The following EVI2B variants were observed in gnomAD, a reference collection of about 807,000 sequenced individuals.
EVI2B encodes ecotropic viral integration site 2B.
EVI2B carries 4 observed loss-of-function variants against 6.6 expected under a neutral mutation model. The observed-to-expected ratio is 0.61, with a 90% CI of 0.30 to 1.39. The LOEUF is 1.39. Among genes scored for constraint, EVI2B ranks in the 40% most tolerant of loss-of-function variants. The pLI is 0.08. For missense variants in EVI2B, 484 were observed against 516.6 expected, an observed-to-expected ratio of 0.94 and a Z score of 0.61; for synonymous variants, 181 against 186.8, an observed-to-expected ratio of 0.97 and a Z score of 0.25.
Position 31,304,361 on chromosome 17 carries a change from A to C in EVI2B, c.1249T>G (p.Ser417Ala), listed in dbSNP as rs749861129. ...PVDFMKNQED[S>A]NLEIQCQEFS... Reference sequence around the variant, plus strand: ...TCCTGACACTGGATCTCAAGGTTGGAATCTTCTTGGTTTTTCATAAAATCT... The same window carrying C: ...TCCTGACACTGGATCTCAAGGTTGGCATCTTCTTGGTTTTTCATAAAATCT... Residue 417 changes from serine to alanine, a missense_variant, in exon 2 of 2, where the codon TCC (serine) becomes GCC (alanine). Transcript: ENST00000330927. 1.2e-6 allele frequency: 2 copies of C among 1,614,114 alleles called. No individual in the cohort carries two copies. Among genetic ancestry groups the C allele is most frequent in the Admixed American group, 1.7e-5 (1 of 60,022 alleles).
chr17:31,304,697 T>TG lies in EVI2B; in HGVS notation c.912dup (p.Lys305GlnfsTer16). 1 of 1,614,210 alleles carries TG rather than the reference T, an allele frequency of 6.2e-7. No homozygotes were observed. ...ACTTGATCTTTTATTTTCTCTGTTT[T>TG]GGGGTTGTTGGAGTCTTCAATGTTT... On this transcript the variant is annotated frameshift_variant, in exon 2 of 2. Coordinates refer to ENST00000330927, the MANE Select transcript of EVI2B (RefSeq NM_006495.4). LOFTEE classifies it low-confidence loss of function (END_TRUNC).
rs1181763291 is a variant in EVI2B, at chr17:31,305,335, G to C, written c.275C>G (p.Pro92Arg). The C allele has an allele frequency of 6.2e-7, 1 of 1,614,010 alleles. No individual in the cohort carries two copies. Among genetic ancestry groups the C allele is most frequent in the South Asian group, 1.1e-5 (1 of 91,084 alleles). Residue 92 changes from proline (P) to arginine (R), a missense_variant, in exon 2 of 2, where the codon CCA (proline) becomes CGA (arginine). By Grantham distance (103) the Pro-to-Arg change is moderately radical. Transcript: ENST00000330927. ...TPAVYTSSEK[P>R]EAHTSAGQPL... Reference sequence around the variant, plus strand: ...TTGTCCAGCAGAAGTATGTGCTTCTGGTTTTTCAGAAGAGGTATAGACAGC... The same window carrying C: ...TTGTCCAGCAGAAGTATGTGCTTCTCGTTTTTCAGAAGAGGTATAGACAGC...
chr17:31,309,156 G>A (rs1281767739), intron 1 of EVI2B, among the ~76,000 whole-genome samples: 5 of 152,076 alleles, frequency 3.3e-5, no homozygotes, highest in African/African-American at 1.2e-4. Flanking sequence ...TTGTACCCAG[G>A]GCCACCTGAT....
chr17:31,309,497 T>C (rs2068812582), intron 1 of EVI2B, among the ~76,000 whole-genome samples: 1 of 152,210 alleles, frequency 6.6e-6, no homozygotes, highest in Non-Finnish European at 1.5e-5. Flanking sequence ...ATTATTCTTA[T>C]AGATTACAAA....
In EVI2B at chr17:31,304,915, A is replaced by G; in HGVS notation, c.695T>C (p.Val232Ala). The G allele has an allele frequency of 6.2e-7, 1 of 1,614,140 alleles. No homozygotes were observed. Among genetic ancestry groups the G allele is most frequent in the Non-Finnish European group, 8.5e-7 (1 of 1,180,030 alleles). ...IVLWKCLRKPVLNDQNWAGRS... is the reference protein window; with the variant it reads ...IVLWKCLRKPALNDQNWAGRS... ...ACCTGCCCAATTTTGATCATTTAAAACTGGTTTCCTTAAGCATTTCCAAAG... is the reference window on the plus strand; with the variant it reads ...ACCTGCCCAATTTTGATCATTTAAAGCTGGTTTCCTTAAGCATTTCCAAAG... Residue 232 changes from valine (V) to alanine (A), a missense_variant, in exon 2 of 2, where the codon GTT becomes GCT. Val to Ala is a moderately conservative substitution (Grantham distance 64). Coordinates refer to ENST00000330927, the MANE Select transcript of EVI2B (RefSeq NM_006495.4).
intron 1 of EVI2B, chr17:31,308,014 G>T: frequency 1.1e-6 from 1 of 913,906 alleles, no homozygotes; most frequent in Non-Finnish European, 1.5e-6. Flanking sequence ...AATAATTCAA[G>T]CCTGAATTTT....
At position 31,304,519 on chromosome 17, in the gene EVI2B, G is replaced by A. The variant is rs1363840773; in HGVS notation, c.1091C>T (p.Ser364Phe). The change falls in exon 2 of 2, where the codon TCT (serine) becomes TTT (phenylalanine). Residue 364 changes from serine to phenylalanine, a missense_variant. Transcript: ENST00000330927. ...QSDKPTMTIVSPLPNDSTSLP... is the reference protein window; with the variant it reads ...QSDKPTMTIVFPLPNDSTSLP... ...ACTAGTAGAATCATTTGGAAGAGGA[G>A]ATACAATTGTCATTGTGGGTTTGTC... 4 of 1,614,168 alleles carry A rather than the reference G, an allele frequency of 2.5e-6. No individual in the cohort carries two copies. The highest frequency in any genetic ancestry group is 1.7e-5 in the Admixed American group (1 of 60,022).
At position 31,304,758 on chromosome 17, in the gene EVI2B, T is replaced by C; in HGVS notation, c.852A>G (p.Ala284=). Residue 284 remains alanine (A), a synonymous_variant, in exon 2 of 2, where the codon GCA becomes GCG. Transcript: ENST00000330927. The part of the protein sequence containing the change: ...PWKPSKSTLL[A]DDLEIKLFES... The stretch of plus-strand genomic sequence containing the variant: ...CAAACAACTTAATTTCTAAGTCATC[T>C]GCTAAAAGTGTGCTTTTGCTTGGTT... 6.2e-7 allele frequency: 1 copy of C among 1,614,168 alleles called. No individual in the cohort carries two copies. Among genetic ancestry groups the C allele is most frequent in the Non-Finnish European group, 8.5e-7 (1 of 1,180,026 alleles).
At chr17:31,307,900 C>G in intron 1 of EVI2B, 1 of 1,289,190 alleles carries the variant, frequency 7.8e-7, no homozygotes, top group Non-Finnish European at 1.0e-6. Flanking sequence ...TTCAGCATAT[C>G]TAAACAGCAT....
chr17:31,312,880 T>C (rs1433109390), intron 1 of EVI2B, among the ~76,000 whole-genome samples: 1 of 152,164 alleles, frequency 6.6e-6, no homozygotes, highest in Admixed American at 6.5e-5. Flanking sequence ...TTTGCCCATT[T>C]TACCCACAGC....
In EVI2B at chr17:31,304,313, C is replaced by T. The variant is rs747146449; in HGVS notation, c.1297G>A (p.Asp433Asn). 19 of 1,613,580 alleles carry T rather than the reference C, an allele frequency of 1.2e-5. No homozygotes were observed. In the South Asian group the frequency reaches 2.1e-4, roughly 18 times the overall value. ...CQEFSIPPNS[D>N]QDLNESLPPP... ...GGCAGGGATTCATTAAGATCTTGAT[C>T]AGAGTTGGGAGGAATAGAGAACTCC... Residue 433 changes from aspartate (D) to asparagine (N), a missense_variant, in exon 2 of 2, where the codon GAT becomes AAT. Asp to Asn is a conservative substitution (Grantham distance 23). Coordinates refer to ENST00000330927, the MANE Select transcript of EVI2B (RefSeq NM_006495.4).
intron 1 of EVI2B, chr17:31,307,992 T>C: frequency 8.8e-7 from 1 of 1,135,834 alleles, no homozygotes; most frequent in Non-Finnish European, 1.2e-6. Context: ...ATGTGATTTT[T>C]TTCCCTATAC....
At chr17:31,308,978 C>G (rs1373253662) in intron 1 of EVI2B, among the ~76,000 whole-genome samples, 1 of 152,168 alleles carries the variant, frequency 6.6e-6, no homozygotes, top group Non-Finnish European at 1.5e-5. Flanking sequence ...TTATCTAGAG[C>G]ATATTATGTG....
chr17:31,313,720 ATATGTGTG>A lies in EVI2B; in HGVS notation c.-22+251_-22+258del, dbSNP rs779199769. Among the ~76,000 whole-genome samples, 514 of 101,238 alleles carry A rather than the reference ATATGTGTG, an allele frequency of 5.1e-3. 5 individuals are homozygous for A. The highest frequency in any genetic ancestry group is 0.018 in the African/African-American group (480 of 26,706). The allele number at this position is 101,238 out of a possible 152,430, so 66.4% of individuals were successfully genotyped here. The stretch of plus-strand genomic sequence containing the variant: ...GACTCTATCTCAAAAAAAAAAAAAA[ATATGTGTG>A]TGTGTGTGTGTGTGTGTGTGTGTGT... On this transcript the variant is annotated intron_variant, in intron 1 of 1. Transcript: ENST00000330927.
At chr17:31,313,891 G>C (rs1008177631) in intron 1 of EVI2B, 88 bp downstream of exon 1, 1 of 394,528 alleles carries the variant, frequency 2.5e-6, no homozygotes, top group African/African-American at 2.1e-5. Context: ...TAGACTATCA[G>C]AGTTTAAGTT....
intron 1 of EVI2B, among the ~76,000 whole-genome samples, chr17:31,312,741 T>C (rs1349532266): frequency 6.6e-6 from 1 of 152,130 alleles, no homozygotes; most frequent in Non-Finnish European, 1.5e-5. Context: ...CCACAGTAAT[T>C]ACTTAGAAGA....
intron 1 of EVI2B, among the ~76,000 whole-genome samples, chr17:31,313,450 TC>T (rs1349466530): frequency 6.6e-6 from 1 of 152,108 alleles, no homozygotes; most frequent in Non-Finnish European, 1.5e-5. Flanking sequence ...ACTCCTGTAA[TC>T]CCAGCACTTT....
rs1220982723 is a variant in EVI2B at position 31,304,886 on chromosome 17, A to T, written c.724T>A (p.Ser242Thr). 6.2e-7 allele frequency: 1 copy of T among 1,614,012 alleles called. No individual in the cohort carries two copies. Among genetic ancestry groups the T allele is most frequent in the Non-Finnish European group, 8.5e-7 (1 of 1,180,034 alleles). ...GGGGTTTCTCCATCAGCAAATGGAG[A>T]TCTACCTGCCCAATTTTGATCATTT... The part of the protein sequence containing the change: ...VLNDQNWAGR[S>T]PFADGETPDI... The change falls in exon 2 of 2, where the codon TCT (serine) becomes ACT (threonine). Residue 242 changes from serine to threonine, a missense_variant. Coordinates refer to ENST00000330927, the MANE Select transcript of EVI2B (RefSeq NM_006495.4).
At chr17:31,311,714 C>T (rs1338318011) in intron 1 of EVI2B, among the ~76,000 whole-genome samples, 4 of 152,128 alleles carry the variant, frequency 2.6e-5, no homozygotes, top group Non-Finnish European at 4.4e-5. Context: ...TGAGACACCA[C>T]GATGTTGGGT....
Sources: gnomAD v4.1 joint callset for allele counts (sites outside exome capture counted in the v4.1 genomes callset) on GRCh38, gnomAD v4.1.1 for gene constraint, MANE v1.5 for transcripts, NCBI Gene and HGNC (gene_info 2026-07-23, HGNC 2026-07-21) for gene names.